Variants in PHC3 observed in about 807,000 individuals in gnomAD.
PHC3 encodes polyhomeotic homolog 3, also known as polyhomeotic-like protein 3.
PHC3 carries 13 observed loss-of-function variants against 107.4 expected under a neutral mutation model. That is an observed-to-expected ratio of 0.12 (90% CI 0.08 to 0.19). PHC3 has a LOEUF of 0.19. PHC3 is among the 10% of genes least tolerant of loss of function. The pLI is 1.00. For missense variants in PHC3, 992 were observed against 1,210.9 expected (o/e 0.82, Z 2.68); for synonymous variants, 456 against 427.4 (o/e 1.07, Z -0.83).
intron 10 of PHC3, among the ~76,000 whole-genome samples, chr3:170,115,514 T>C (rs555957761): frequency 2.0e-5 from 3 of 152,284 alleles, no homozygotes; most frequent in South Asian, 2.1e-4. Context: ...GTGGTATATA[T>C]AGACATAAAC....
chr3:170,091,826 A>C lies in PHC3; in HGVS notation c.*5404T>G, dbSNP rs1298913180. 1 of 152,316 alleles carries C rather than the reference A, an allele frequency of 6.6e-6. No homozygotes were observed. The highest frequency in any genetic ancestry group is 2.4e-5 in the African/African-American group (1 of 41,574). The allele number at this position is 152,316 out of a possible 1,614,324, so 9.4% of individuals were successfully genotyped here. The stretch of plus-strand genomic sequence containing the variant: ...ACAATTTTAAAACGGATTAGGTTCT[A>C]AAAACTAATATGTAAAACTTTGAAA... On this transcript the variant is annotated 3_prime_UTR_variant, in exon 15 of 15. Coordinates refer to ENST00000495893, the MANE Select transcript of PHC3 (RefSeq NM_024947.4).
chr3:170,134,504 A>G (rs1463970040), intron 7 of PHC3, among the ~76,000 whole-genome samples: 1 of 152,036 alleles, frequency 6.6e-6, no homozygotes, highest in Non-Finnish European at 1.5e-5. Flanking sequence ...TATATTTATT[A>G]ATTTATACAT....
chr3:170,115,139 TTA>T (rs1443142779), intron 10 of PHC3, among the ~76,000 whole-genome samples: 1 of 152,102 alleles, frequency 6.6e-6, no homozygotes, highest in East Asian at 1.9e-4. Context: ...TGTGTATGAT[TTA>T]TATATATAGA....
intron 9 of PHC3, among the ~76,000 whole-genome samples, chr3:170,119,435 G>A (rs1719753990): frequency 6.6e-6 from 1 of 152,108 alleles, no homozygotes; most frequent in African/African-American, 2.4e-5. Context: ...TAGATCATGT[G>A]CATAAATGTG....
intron 4 of PHC3, among the ~76,000 whole-genome samples, chr3:170,157,373 C>G (rs766180291): frequency 2.6e-5 from 4 of 152,126 alleles, no homozygotes; most frequent in African/African-American, 9.7e-5. Context: ...AGAAGACAGA[C>G]GGACTGAAAG....
At chr3:170,167,408 G>C (rs953729190) in intron 4 of PHC3, among the ~76,000 whole-genome samples, 2 of 152,214 alleles carry the variant, frequency 1.3e-5, no homozygotes, top group African/African-American at 4.8e-5. Context: ...GAGCCAACAT[G>C]CCCAGCCTTT....
intron 4 of PHC3, among the ~76,000 whole-genome samples, chr3:170,155,959 G>C (rs1483257457): frequency 4.6e-5 from 7 of 152,062 alleles, no homozygotes; most frequent in Non-Finnish European, 1.0e-4. Context: ...TTTAGAATCA[G>C]AGAGGAAATG....
In PHC3 at chr3:170,091,153, T is replaced by C. The variant is rs1245557621; in HGVS notation, c.*6077A>G. ...ATAATATTCCATGAAATATAACTTT[T>C]AAGCCAATAAGTGATGGTGACTATC... On this transcript the variant is annotated 3_prime_UTR_variant, in exon 15 of 15. Coordinates refer to ENST00000495893, the MANE Select transcript of PHC3 (RefSeq NM_024947.4). 1 of 152,202 alleles carries C rather than the reference T, an allele frequency of 6.6e-6. No individual in the cohort carries two copies. The highest frequency in any genetic ancestry group is 1.5e-5 in the Non-Finnish European group (1 of 68,012). 9.4% of individuals were successfully genotyped at this position (152,202 alleles called of 1,614,324 possible).
intron 1 of PHC3, 99 bp from the exon 2 acceptor site, chr3:170,179,037 G>T: frequency 8.7e-7 from 1 of 1,148,324 alleles, no homozygotes; most frequent in Non-Finnish European, 1.3e-6. Context: ...AATCTAAACT[G>T]CTAGGAAGGC....
chr3:170,156,865 G>A (rs1205916692), intron 4 of PHC3, among the ~76,000 whole-genome samples: 1 of 152,152 alleles, frequency 6.6e-6, no homozygotes, highest in Non-Finnish European at 1.5e-5. Flanking sequence ...AAAATGCTGG[G>A]ATTACAGGTG....
chr3:170,166,511 T>G (rs1344844194), intron 4 of PHC3, among the ~76,000 whole-genome samples: 1 of 152,152 alleles, frequency 6.6e-6, no homozygotes, highest in Non-Finnish European at 1.5e-5. Flanking sequence ...CTGTAGGAAT[T>G]AACTATCATT....
chr3:170,116,981 A>T (rs1190805940), intron 10 of PHC3: 2 of 484,736 alleles, frequency 4.1e-6, no homozygotes, highest in African/African-American at 3.9e-5. Flanking sequence ...TTCTCTAAAA[A>T]TTATAAAAAT....
chr3:170,110,814 G>T (rs758552627), intron 11 of PHC3, among the ~76,000 whole-genome samples: 1 of 152,060 alleles, frequency 6.6e-6, no homozygotes, highest in Non-Finnish European at 1.5e-5. Context: ...AGTTTCCTAA[G>T]CAGATTTCCA....
rs771985027 is a variant in PHC3, at chr3:170,129,493, A to C, written c.979T>G (p.Ser327Ala). The stretch of plus-strand genomic sequence containing the variant: ...TGATGGGAAACTTTGGAAGGTGGTG[A>C]ATGAAGAGGAATCTGCTGATGTTTT... Reference protein sequence around the residue: ...LIKHQQIPLHSPPSKVSHHQL... With the variant: ...LIKHQQIPLHAPPSKVSHHQL... Residue 327 changes from serine to alanine, a missense_variant, in exon 8 of 15, where the codon TCA becomes GCA. Ser to Ala is a moderately conservative substitution (Grantham distance 99). Coordinates refer to ENST00000495893, the MANE Select transcript of PHC3 (RefSeq NM_024947.4). 29 of 1,613,638 alleles carry C rather than the reference A, an allele frequency of 1.8e-5. No individual in the cohort carries two copies. The highest frequency in any genetic ancestry group is 2.3e-5 in the Non-Finnish European group (27 of 1,179,744).
intron 10 of PHC3, 72 bp from the exon 11 acceptor site, chr3:170,113,591 A>C: frequency 7.2e-7 from 1 of 1,398,296 alleles, no homozygotes; most frequent in Non-Finnish European, 9.6e-7. Flanking sequence ...GGTTTAAAAA[A>C]CTCTTAAAAT....
chr3:170,127,664 T>G (rs1721566834), intron 8 of PHC3, among the ~76,000 whole-genome samples: 1 of 152,154 alleles, frequency 6.6e-6, no homozygotes, highest in African/African-American at 2.4e-5. Flanking sequence ...ACTTCGAAAC[T>G]CCTTTCTGAG....
intron 8 of PHC3, among the ~76,000 whole-genome samples, chr3:170,126,529 T>TATCTATA (rs1491097010): frequency 7.5e-5 from 3 of 39,984 alleles, no homozygotes; most frequent in African/African-American, 2.4e-4. Context: ...TATATATATA[T>TATCTATA]TTTTTTTTTT....
intron 10 of PHC3, chr3:170,116,990 A>G (rs1262057805): frequency 9.9e-6 from 5 of 504,320 alleles, no homozygotes; most frequent in African/African-American, 1.9e-5. Context: ...AATTATAAAA[A>G]TATGTCCTGA....
intron 4 of PHC3, chr3:170,171,124 A>C: frequency 3.9e-6 from 2 of 516,288 alleles, no homozygotes; most frequent in Non-Finnish European, 3.3e-6. Context: ...ACCACATAAG[A>C]TCTGAACATG....
Sources: allele counts gnomAD v4.1 joint callset (sites outside exome capture counted in the v4.1 genomes callset), GRCh38; gene constraint gnomAD v4.1.1; transcripts MANE v1.5; gene names NCBI Gene and HGNC (gene_info 2026-07-23, HGNC 2026-07-21).